KCNN2: variants seen among roughly 807,000 people sequenced by gnomAD.
KCNN2 encodes the protein potassium calcium-activated channel subfamily N member 2.
In KCNN2, 24 loss-of-function variants were observed where a neutral mutation model predicts 55.5. That is an observed-to-expected ratio of 0.43 (90% CI 0.31 to 0.61). The LOEUF (loss-of-function observed/expected upper bound fraction) is 0.61, where lower values mean the gene tolerates loss of function less well. Ranked by LOEUF, KCNN2 falls within the 20% of genes least tolerant of loss-of-function variation. The pLI, the probability that KCNN2 is intolerant of heterozygous loss-of-function variation, is 0.08. For synonymous variants in KCNN2, 431 were observed against 336.1 expected (o/e 1.28, Z -3.09); for missense variants, 754 against 853.6 (o/e 0.88, Z 1.45).
intron 1 of KCNN2, among the ~76,000 whole-genome samples, chr5:114,087,567 G>C (rs778777898): frequency 1.3e-5 from 2 of 152,008 alleles, no homozygotes; most frequent in Non-Finnish European, 2.9e-5. Flanking sequence ...TGTCACCTTT[G>C]TCAAAGATCA....
At chr5:114,061,906 C>G (rs1400099039) in intron 1 of KCNN2, among the ~76,000 whole-genome samples, 1 of 152,160 alleles carries the variant, frequency 6.6e-6, no homozygotes, top group Non-Finnish European at 1.5e-5. Flanking sequence ...GTCCAGTCAA[C>G]TGGATGTTTT....
chr5:114,206,903 C>T (rs552393087), intron 1 of KCNN2, among the ~76,000 whole-genome samples: 189 of 152,248 alleles, frequency 1.2e-3, no homozygotes, highest in Middle Eastern at 3.4e-3. Flanking sequence ...CCAAGCTAAT[C>T]GATTGACTAG....
At position 114,135,526 on chromosome 5, in the gene KCNN2, A is replaced by T. The variant is rs113691277; in HGVS notation, c.-271+79026A>T. ...TAGAAATTATTTTCTGGGATTTCCAACAAGCCTAACATACAACATCTAAAA... is the reference window on the plus strand; with the variant it reads ...TAGAAATTATTTTCTGGGATTTCCATCAAGCCTAACATACAACATCTAAAA... On this transcript the variant is annotated intron_variant, in intron 1 of 10. Transcript: ENST00000512097. 3.8e-3 allele frequency among the ~76,000 whole-genome samples: 577 copies of T among 152,306 alleles called. 3 individuals are homozygous for T. Among genetic ancestry groups the T allele is most frequent in the African/African-American group, 0.013 (541 of 41,568 alleles).
intron 2 of KCNN2, among the ~76,000 whole-genome samples, chr5:114,297,309 C>G (rs1317019041): frequency 2.0e-5 from 3 of 152,102 alleles, no homozygotes; most frequent in Admixed American, 2.0e-4. Flanking sequence ...TAGGGCAAGT[C>G]TCTGTCTCTA....
chr5:114,331,630 G>A (rs1756823014), intron 2 of KCNN2, among the ~76,000 whole-genome samples: 1 of 152,110 alleles, frequency 6.6e-6, no homozygotes. Context: ...GTACCCTCAA[G>A]TACTTTTGAA....
At chr5:114,290,928 T>C (rs1468436713) in intron 2 of KCNN2, among the ~76,000 whole-genome samples, 2 of 152,158 alleles carry the variant, frequency 1.3e-5, no homozygotes, top group Non-Finnish European at 2.9e-5. Flanking sequence ...TCTAGCTTCA[T>C]GAAGCTAGAA....
chr5:114,279,611 C>G (rs1290095774), intron 2 of KCNN2, among the ~76,000 whole-genome samples: 1 of 152,152 alleles, frequency 6.6e-6, no homozygotes, highest in East Asian at 1.9e-4. Flanking sequence ...TCATCCATGT[C>G]CCTGCAAAGG....
At chr5:114,489,281 G>A (rs959195878) in intron 6 of KCNN2, among the ~76,000 whole-genome samples, 16 of 151,984 alleles carry the variant, frequency 1.1e-4, no homozygotes, top group Non-Finnish European at 1.2e-4. Flanking sequence ...AGGTTATTAC[G>A]TTTTTACATT....
rs375080459 is a variant in KCNN2 at position 114,464,621 on chromosome 5, C to T, written c.1779+1431C>T. Among the ~76,000 whole-genome samples the T allele has an allele frequency of 5.3e-5, 8 of 152,160 alleles. No individual in the cohort carries two copies. In the South Asian group the frequency reaches 1.7e-3, roughly 32 times the overall value. On this transcript the variant is annotated intron_variant, in intron 4 of 7. Coordinates refer to ENST00000673685, the MANE Select transcript of KCNN2 (RefSeq NM_021614.4). ...GCATAGACAGGCAACATCCTTCTCC[C>T]CCCTCGGTAGTGTTCAACTGGGATA...
intron 1 of KCNN2, among the ~76,000 whole-genome samples, chr5:114,163,898 TTGA>T (rs1752852797): frequency 6.8e-6 from 1 of 146,812 alleles, no homozygotes; most frequent in African/African-American, 2.5e-5. Context: ...TGCTGAGATA[TTGA>T]TGAGAAATTA....
intron 1 of KCNN2, among the ~76,000 whole-genome samples, chr5:114,212,635 C>G (rs1753912029): frequency 6.6e-6 from 1 of 151,900 alleles, no homozygotes; most frequent in African/African-American, 2.4e-5. Context: ...AAAATGCTTT[C>G]ATAAGCTCTT....
Position 114,383,283 on chromosome 5 carries a change from C to T in KCNN2, c.1218+19282C>T, listed in dbSNP as rs560825214. Among the ~76,000 whole-genome samples, 3 of 152,180 alleles carry T rather than the reference C, an allele frequency of 2.0e-5. No individual in the cohort carries two copies. The East Asian group carries it at 5.8e-4, about 29-fold the overall frequency. On this transcript the variant is annotated intron_variant, in intron 2 of 7. Transcript: ENST00000673685. ...ACCCTGTACTTTCTTATTGCTCTCT[C>T]ATTCATGTAGTATTTGGTGATTCTC...
intron 3 of KCNN2, among the ~76,000 whole-genome samples, chr5:114,458,799 A>T (rs1479326467): frequency 6.6e-6 from 1 of 152,184 alleles, no homozygotes; most frequent in Non-Finnish European, 1.5e-5. Context: ...GGGAATCTGG[A>T]GAAGGGGACC....
chr5:114,380,622 T>C (rs1401379766), intron 2 of KCNN2, among the ~76,000 whole-genome samples: 1 of 152,214 alleles, frequency 6.6e-6, no homozygotes, highest in Non-Finnish European at 1.5e-5. Context: ...AGACACATAA[T>C]AATCACACAA....
chr5:114,312,432 CACATATATATATATATATATAT>C (rs1265034465), intron 2 of KCNN2, among the ~76,000 whole-genome samples: 26 of 19,310 alleles, frequency 1.3e-3, no homozygotes, highest in African/African-American at 4.6e-3. Flanking sequence ...CACACACACA[CACATATATATATATATATATAT>C]ATATATATAT....
intron 1 of KCNN2, among the ~76,000 whole-genome samples, chr5:114,181,752 C>G (rs765969333): frequency 6.6e-6 from 1 of 152,150 alleles, no homozygotes; most frequent in Non-Finnish European, 1.5e-5. Context: ...TGTGGTGTCT[C>G]ACGCCTGTAA....
intron 4 of KCNN2, among the ~76,000 whole-genome samples, chr5:114,468,507 T>C (rs1191248483): frequency 6.6e-6 from 1 of 152,118 alleles, no homozygotes; most frequent in African/African-American, 2.4e-5. Flanking sequence ...TTTTTTCAAG[T>C]TAACTATTTT....
intron 1 of KCNN2, among the ~76,000 whole-genome samples, chr5:114,071,829 G>T (rs1750575261): frequency 6.6e-6 from 1 of 152,202 alleles, no homozygotes; most frequent in Non-Finnish European, 1.5e-5. Flanking sequence ...GCTATGGTTT[G>T]AATGTGTCCC....
chr5:114,117,691 G>C (rs1287610155), intron 1 of KCNN2, among the ~76,000 whole-genome samples: 1 of 152,098 alleles, frequency 6.6e-6, no homozygotes, highest in East Asian at 1.9e-4. Context: ...TTTGAGGAGA[G>C]GTGGGAAAGC....
Sources: gnomAD v4.1 joint callset for allele counts (sites outside exome capture counted in the v4.1 genomes callset) on GRCh38, gnomAD v4.1.1 for gene constraint, MANE v1.5 for transcripts, NCBI Gene and HGNC (gene_info 2026-07-23, HGNC 2026-07-21) for gene names.